The following SEMA4B variants were observed in gnomAD, a reference collection of about 807,000 sequenced individuals.
The protein encoded by SEMA4B is semaphorin 4B.
Under a neutral mutation model 88.1 loss-of-function variants are expected in SEMA4B, and 55 were observed. That is an observed-to-expected ratio of 0.62 (90% confidence interval 0.50 to 0.78). The LOEUF (loss-of-function observed/expected upper bound fraction) is 0.78. SEMA4B is among the 30% of genes least tolerant of loss of function. The pLI is 0.00. For missense variants in SEMA4B, 1,062 were observed against 1,111.9 expected, an observed-to-expected ratio of 0.96 and a Z score of 0.64; for synonymous variants, 525 against 473.6, an observed-to-expected ratio of 1.11 and a Z score of -1.41.
chr15:90,203,096 C>T (rs1441901483), intron 1 of SEMA4B, among the ~76,000 whole-genome samples: 1 of 152,198 alleles, frequency 6.6e-6, no homozygotes, highest in Admixed American at 6.5e-5. Context: ...ATTAAATCAG[C>T]TCGTGTTTGA....
chr15:90,222,829 G>A (rs1021325100), intron 7 of SEMA4B, among the ~76,000 whole-genome samples: 4 of 151,568 alleles, frequency 2.6e-5, no homozygotes, highest in Non-Finnish European at 5.9e-5. Context: ...GTGGTGGGCA[G>A]TGACTAAATG....
At chr15:90,226,444 G>A (rs552573590) in intron 12 of SEMA4B, among the ~76,000 whole-genome samples, 2 of 152,194 alleles carry the variant, frequency 1.3e-5, no homozygotes, top group Admixed American at 1.3e-4. Context: ...GGGTTCAAGC[G>A]ATTCTCCTGC....
At chr15:90,196,105 T>G (rs1034093554) in intron 1 of SEMA4B, among the ~76,000 whole-genome samples, 12 of 149,566 alleles carry the variant, frequency 8.0e-5, no homozygotes, top group Admixed American at 5.3e-4. Flanking sequence ...TTTTTTTGTA[T>G]TTTTAGTAGA....
At chr15:90,226,475 G>T (rs1323119396) in intron 12 of SEMA4B, among the ~76,000 whole-genome samples, 2 of 152,084 alleles carry the variant, frequency 1.3e-5, no homozygotes, top group Non-Finnish European at 2.9e-5. Context: ...CAAGTAGCAG[G>T]GATTACAGGT....
At chr15:90,220,537 T>C (rs937507977) in intron 4 of SEMA4B, among the ~76,000 whole-genome samples, 1 of 151,680 alleles carries the variant, frequency 6.6e-6, no homozygotes, top group African/African-American at 2.4e-5. Flanking sequence ...CTGGCTAATT[T>C]TTTCTATTTT....
At position 90,201,468 on chromosome 15, in the gene SEMA4B, GGGGGCCCCC is replaced by G; in HGVS notation, c.-105_-97del. ...CCTCCCGCCCCCCAGGTCCGGAGGC[GGGGGCCCCC>G]GGGGCGACTCGGGGGCGGACCGCGG... On this transcript the variant is annotated 5_prime_UTR_variant, in exon 1 of 14. Transcript: ENST00000411539. 2 of 1,305,156 alleles carry G rather than the reference GGGGGCCCCC, an allele frequency of 1.5e-6. No individual in the cohort carries two copies. The highest frequency in any genetic ancestry group is 9.7e-7 in the Non-Finnish European group (1 of 1,029,898). 80.8% of individuals were successfully genotyped at this position (1,305,156 alleles called of 1,614,324 possible).
At chr15:90,221,845 A>G in intron 7 of SEMA4B, 80 bp downstream of exon 7, 2 of 1,389,736 alleles carry the variant, frequency 1.4e-6, no homozygotes, top group Non-Finnish European at 9.7e-7. Context: ...ACATCCATGC[A>G]TGGCCTTTCC....
chr15:90,226,491 C>T (rs1175056133), intron 12 of SEMA4B, among the ~76,000 whole-genome samples: 1 of 152,182 alleles, frequency 6.6e-6, no homozygotes, highest in Non-Finnish European at 1.5e-5. Context: ...CAGGTGCCCG[C>T]CACCATGCCC....
chr15:90,195,869 C>T (rs1247621226), intron 1 of SEMA4B, among the ~76,000 whole-genome samples: 1 of 151,560 alleles, frequency 6.6e-6, no homozygotes, highest in African/African-American at 2.4e-5. Flanking sequence ...CTCGGCATCC[C>T]AAAATGCTAG....
Position 90,203,185 on chromosome 15 carries a change from G to C in SEMA4B, c.157+1450G>C, listed in dbSNP as rs987210438. Among the ~76,000 whole-genome samples, 5 of 152,340 alleles carry C rather than the reference G, an allele frequency of 3.3e-5. No individual in the cohort carries two copies. In the South Asian group the frequency reaches 1.0e-3, roughly 32 times the overall value. On this transcript the variant is annotated intron_variant, in intron 1 of 13. Coordinates refer to ENST00000411539, the MANE Select transcript of SEMA4B (RefSeq NM_198925.4). ...CTCAGAGTTTACTTCTGTACATCTT[G>C]CCCAGATCTGGGGTGATTCTGCCTG... is the stretch of plus-strand genomic sequence containing the variant.
upstream of SEMA4B, among the ~76,000 whole-genome samples, chr15:90,197,679 C>T (rs369577151): frequency 2.6e-5 from 4 of 151,774 alleles, no homozygotes; most frequent in Non-Finnish European, 4.4e-5. Flanking sequence ...CCTCATGATC[C>T]GCGCACCTCG....
At chr15:90,214,909 C>A in intron 1 of SEMA4B, 2 of 1,089,086 alleles carry the variant, frequency 1.8e-6, no homozygotes, top group Non-Finnish European at 1.2e-6. Flanking sequence ...TTCTTTTCTT[C>A]ATGTCTCCCC....
chr15:90,193,322 A>T (rs539586483), intron 1 of SEMA4B: 2 of 152,218 alleles, frequency 1.3e-5, no homozygotes, highest in African/African-American at 4.8e-5. Context: ...ACACATCAGC[A>T]CACTAACGGA....
At chr15:90,221,556 C>T (rs1464557198) in intron 6 of SEMA4B, 58 bp from the exon 7 acceptor site, 6 of 1,608,742 alleles carry the variant, frequency 3.7e-6, no homozygotes, top group African/African-American at 1.3e-5. Context: ...TTTCCCCCAG[C>T]TTGGCCTGTC....
chr15:90,185,519 A>G (rs953216339), intron 1 of SEMA4B, among the ~76,000 whole-genome samples: 1 of 152,232 alleles, frequency 6.6e-6, no homozygotes, highest in Non-Finnish European at 1.5e-5. Context: ...GGCTAGAAGG[A>G]GAAGGAAGTT....
intron 12 of SEMA4B, chr15:90,227,221 T>TG (rs1962216193): frequency 3.9e-5 from 10 of 255,744 alleles, no homozygotes; most frequent in Non-Finnish European, 7.6e-5. Flanking sequence ...CTAATTTTTC[T>TG]ATTTTTTGTA....
intron 12 of SEMA4B, among the ~76,000 whole-genome samples, chr15:90,226,737 C>A (rs1035224052): frequency 5.9e-5 from 9 of 152,228 alleles, no homozygotes; most frequent in African/African-American, 2.2e-4. Context: ...TTACAAAAAC[C>A]AAGTGAGTTT....
chr15:90,211,545 C>G (rs1961268100), intron 1 of SEMA4B, among the ~76,000 whole-genome samples: 1 of 152,194 alleles, frequency 6.6e-6, no homozygotes, highest in African/African-American at 2.4e-5. Flanking sequence ...AGTGGCTGCC[C>G]TGCCCAACAC....
At chr15:90,189,951 A>C (rs1345161104) in intron 1 of SEMA4B, among the ~76,000 whole-genome samples, 1 of 152,204 alleles carries the variant, frequency 6.6e-6, no homozygotes, top group Admixed American at 6.5e-5. Context: ...AAGCAGGGTC[A>C]GCCGTCTTTC....
Sources: allele counts gnomAD v4.1 joint callset (sites outside exome capture counted in the v4.1 genomes callset), GRCh38; gene constraint gnomAD v4.1.1; transcripts MANE v1.5; gene names NCBI Gene and HGNC (gene_info 2026-07-23, HGNC 2026-07-21).